The following ZNF583 variants were observed in gnomAD, a reference collection of about 807,000 sequenced individuals.
ZNF583 encodes zinc finger protein 583, also known as zinc finger protein L3-5.
Under a neutral mutation model 55.3 loss-of-function variants are expected in ZNF583, and 30 were observed. The observed-to-expected ratio is 0.54, with a 90% CI of 0.41 to 0.74. ZNF583 has a LOEUF of 0.74. Ranked by LOEUF, ZNF583 falls within the 30% of genes least tolerant of loss-of-function variation. The pLI, the probability that ZNF583 is intolerant of heterozygous loss-of-function variation, is 0.00. For missense variants in ZNF583, 504 were observed against 664.7 expected (o/e 0.76, Z 2.66); for synonymous variants, 208 against 220.0 (o/e 0.95, Z 0.48).
chr19:56,412,794 A>G (rs961310917), intron 2 of ZNF583, among the ~76,000 whole-genome samples: 34 of 152,328 alleles, frequency 2.2e-4, no homozygotes, highest in African/African-American at 7.7e-4. Context: ...TACAGATTCA[A>G]ACATTTATTG....
intron 2 of ZNF583, among the ~76,000 whole-genome samples, chr19:56,411,670 G>A (rs2042241376): frequency 6.6e-6 from 1 of 152,222 alleles, no homozygotes; most frequent in Non-Finnish European, 1.5e-5. Flanking sequence ...TCCAGCACGA[G>A]TTTTAATTTT....
chr19:56,407,028 C>G lies in ZNF583; in HGVS notation c.-87C>G. On this transcript the variant is annotated splice_region_variant and 5_prime_UTR_variant, in exon 2 of 5. Transcript: ENST00000333201. ...TATGGTTTCTTTTCCTTCTCCAGCT[C>G]GACTTTCTCAGGATACTGTCCCTCT... 2 of 1,517,850 alleles carry G rather than the reference C, an allele frequency of 1.3e-6. No individual in the cohort carries two copies. The highest frequency in any genetic ancestry group is 1.8e-6 in the Non-Finnish European group (2 of 1,106,074). The allele number at this position is 1,517,850 out of a possible 1,614,324, so 94.0% of individuals were successfully genotyped here. A position where few individuals can be genotyped will look rare whatever the true frequency, so the allele number is the denominator to read the frequency against.
At chr19:56,416,786 C>A (rs1981674) in intron 4 of ZNF583, among the ~76,000 whole-genome samples, 27,436 of 151,720 alleles carry the variant, frequency 0.18, 3,158 homozygotes, top group Middle Eastern at 0.28. Flanking sequence ...AAACTGGATA[C>A]ATATAAATTG....
chr19:56,412,071 C>T (rs778388303), intron 2 of ZNF583, among the ~76,000 whole-genome samples: 2 of 152,204 alleles, frequency 1.3e-5, no homozygotes, highest in African/African-American at 2.4e-5. Flanking sequence ...AGTTTGCTGC[C>T]ATGCTGGGCA....
At chr19:56,413,890 A>T (rs1427247632) in intron 2 of ZNF583, 69 bp from the exon 3 acceptor site, 2 of 1,597,778 alleles carry the variant, frequency 1.3e-6, no homozygotes, top group East Asian at 4.5e-5. Flanking sequence ...AGACAATTTA[A>T]CTTTTTAACT....
At chr19:56,406,403 C>T (rs563215027) in intron 1 of ZNF583, among the ~76,000 whole-genome samples, 7 of 152,228 alleles carry the variant, frequency 4.6e-5, no homozygotes, top group South Asian at 2.1e-4. Context: ...ATAATTACTC[C>T]GATGAAGAGC....
chr19:56,422,495 C>T, intron 4 of ZNF583, among the ~76,000 whole-genome samples: 1 of 152,008 alleles, frequency 6.6e-6, no homozygotes, highest in African/African-American at 2.4e-5. Context: ...ATACTGCCTA[C>T]TGTTGTTTTT....
In ZNF583 at chr19:56,424,551, A is replaced by C; in HGVS notation, c.*183A>C. 2.0e-6 allele frequency: 1 copy of C among 511,896 alleles called. No homozygotes were observed. The highest frequency in any genetic ancestry group is 3.2e-5 in the South Asian group (1 of 30,912). 31.7% of individuals were successfully genotyped at this position (511,896 alleles called of 1,614,324 possible). A position where few individuals can be genotyped will look rare whatever the true frequency, so the allele number is the denominator to read the frequency against. On this transcript the variant is annotated 3_prime_UTR_variant, in exon 5 of 5. Transcript: ENST00000333201. ...TATTTTTAAAAATATGTTTAATCTC[A>C]TTTCTCCCTCATTAAAATCCCTCAG...
In ZNF583 at chr19:56,424,166, A is replaced by G. The variant is rs567355173; in HGVS notation, c.1508A>G (p.Tyr503Cys). 3.7e-6 allele frequency: 6 copies of G among 1,612,020 alleles called. No homozygotes were observed. The highest frequency in any genetic ancestry group is 5.1e-6 in the Non-Finnish European group (6 of 1,178,508). The change falls in exon 5 of 5, where the codon TAT (tyrosine) becomes TGT (cysteine). Residue 503 changes from tyrosine to cysteine, a missense_variant. Tyr to Cys is a radical substitution (Grantham distance 194). Coordinates refer to ENST00000333201, the MANE Select transcript of ZNF583 (RefSeq NM_152478.3). ...ECNVCGKAFSYSGSLTLHQRI... is the reference protein window; with the variant it reads ...ECNVCGKAFSCSGSLTLHQRI... Reference sequence around the variant, plus strand: ...AATGTTTGTGGGAAAGCATTTAGCTATAGTGGATCTCTTACTCTACATCAG... The same window carrying G: ...AATGTTTGTGGGAAAGCATTTAGCTGTAGTGGATCTCTTACTCTACATCAG...
intron 2 of ZNF583, among the ~76,000 whole-genome samples, chr19:56,410,654 A>AT (rs1167037755): frequency 6.6e-6 from 1 of 152,156 alleles, no homozygotes; most frequent in Non-Finnish European, 1.5e-5. Flanking sequence ...GTGAGCCAAG[A>AT]TCGCACCACT....
intron 4 of ZNF583, chr19:56,421,579 T>C: frequency 1.2e-6 from 1 of 833,882 alleles, no homozygotes; most frequent in South Asian, 5.4e-5. Context: ...ACTGTAATAT[T>C]TAAGTTTAGT....
chr19:56,410,465 C>T (rs756743013), intron 2 of ZNF583, among the ~76,000 whole-genome samples: 14 of 151,796 alleles, frequency 9.2e-5, no homozygotes, highest in Non-Finnish European at 1.5e-4. Flanking sequence ...TTTGGGGGGC[C>T]GAGGTGGGTG....
intron 4 of ZNF583, among the ~76,000 whole-genome samples, chr19:56,422,111 G>C (rs1484998469): frequency 6.6e-6 from 1 of 152,140 alleles, no homozygotes; most frequent in Non-Finnish European, 1.5e-5. Flanking sequence ...AGTAGTAGAA[G>C]ATAAGATCAG....
At chr19:56,406,327 G>C (rs189729852) in intron 1 of ZNF583, among the ~76,000 whole-genome samples, 2 of 151,982 alleles carry the variant, frequency 1.3e-5, no homozygotes, top group Admixed American at 6.6e-5. Context: ...CATCATGATC[G>C]GGTGGAAAGA....
At chr19:56,407,429 A>G (rs1200065991) in intron 2 of ZNF583, among the ~76,000 whole-genome samples, 1 of 152,230 alleles carries the variant, frequency 6.6e-6, no homozygotes, top group African/African-American at 2.4e-5. Context: ...TAGTAAGTTG[A>G]TTGAGACTGA....
At chr19:56,411,440 T>C (rs1457288434) in intron 2 of ZNF583, among the ~76,000 whole-genome samples, 1 of 152,218 alleles carries the variant, frequency 6.6e-6, no homozygotes, top group Non-Finnish European at 1.5e-5. Context: ...CATGGTCTCA[T>C]TGGCTGACAG....
Position 56,421,544 on chromosome 19 carries a change from C to A in ZNF583, c.233-1347C>A, listed in dbSNP as rs1256255646. 4 of 966,700 alleles carry A rather than the reference C, an allele frequency of 4.1e-6. No individual in the cohort carries two copies. The African/African-American group carries it at 7.0e-5, about 17-fold the overall frequency. 59.9% of individuals were successfully genotyped at this position (966,700 alleles called of 1,614,324 possible). On this transcript the variant is annotated intron_variant, in intron 4 of 4. Transcript: ENST00000333201. ...AATTTAAGTATGTTGCCTTCAGATTCTTTTCCTTCCAAATATCATTATCCA... is the reference window on the plus strand; with the variant it reads ...AATTTAAGTATGTTGCCTTCAGATTATTTTCCTTCCAAATATCATTATCCA...
chr19:56,414,384 A>T lies in ZNF583; in HGVS notation c.176A>T (p.Glu59Val). The change falls in exon 4 of 5, where the codon GAG (glutamate) becomes GTG (valine). Residue 59 changes from glutamate (E) to valine (V), a missense_variant. By Grantham distance (121) the Glu-to-Val change is moderately radical. Around this residue, in one of 3 missense-constraint regions of ZNF583, gnomAD observed 204 missense variants for 235.2 expected, o/e 0.87. Transcript: ENST00000333201. ...AAGCCAGATGTGATCTCATTATTGG[A>T]GCAAGGAAAAGAGCCCTGGATGGTG... ...VSKPDVISLL[E>V]QGKEPWMVKK... The T allele has an allele frequency of 6.2e-7, 1 of 1,614,090 alleles. No homozygotes were observed. Among genetic ancestry groups the T allele is most frequent in the Non-Finnish European group, 8.5e-7 (1 of 1,180,024 alleles).
intron 2 of ZNF583, among the ~76,000 whole-genome samples, chr19:56,412,233 G>C (rs1215571937): frequency 6.6e-6 from 1 of 152,186 alleles, no homozygotes; most frequent in African/African-American, 2.4e-5. Context: ...CCATCTCTAT[G>C]TCAGCCCAGC....
Sources: allele counts gnomAD v4.1 joint callset (sites outside exome capture counted in the v4.1 genomes callset), GRCh38; gene constraint gnomAD v4.1.1; regional missense constraint gnomAD v4.1.1; transcripts MANE v1.5; gene names NCBI Gene and HGNC (gene_info 2026-07-23, HGNC 2026-07-21).